The following PIK3C2G variants were observed in gnomAD, a reference collection of about 807,000 sequenced individuals.
The protein encoded by PIK3C2G is phosphatidylinositol-4-phosphate 3-kinase catalytic subunit type 2 gamma.
In PIK3C2G, 168 loss-of-function variants were observed where a neutral mutation model predicts 181.1. The observed-to-expected ratio is 0.93, with a 90% CI of 0.82 to 1.05. PIK3C2G has a LOEUF of 1.05. PIK3C2G is among the 50% of genes least tolerant of loss of function. PIK3C2G has a pLI of 0.00. For missense variants in PIK3C2G, 1,869 were observed against 1,732.8 expected, an observed-to-expected ratio of 1.08 and a Z score of -1.40; for synonymous variants, 573 against 592.2, an observed-to-expected ratio of 0.97 and a Z score of 0.47.
chr12:18,324,928 C>T (rs994044585), intron 7 of PIK3C2G, 107 bp from the exon 8 acceptor site: 22 of 613,474 alleles, frequency 3.6e-5, no homozygotes, highest in Non-Finnish European at 6.1e-5. Context: ...TATACCATGC[C>T]TACGATAGTA....
chr12:18,467,155 T>C (rs1937974555), intron 18 of PIK3C2G, among the ~76,000 whole-genome samples: 1 of 152,046 alleles, frequency 6.6e-6, no homozygotes, highest in Non-Finnish European at 1.5e-5. Flanking sequence ...TTTGATACTG[T>C]TAATGGAACA....
Position 18,562,928 on chromosome 12 carries a change from A to G in PIK3C2G, c.3780+36A>G, listed in dbSNP as rs749029942. The G allele has an allele frequency of 3.6e-6, 5 of 1,396,332 alleles. No homozygotes were observed. The East Asian group carries it at 7.2e-5, about 20-fold the overall frequency. The allele number at this position is 1,396,332 out of a possible 1,614,324, so 86.5% of individuals were successfully genotyped here. On this transcript the variant is annotated intron_variant, in intron 27 of 32. Coordinates refer to ENST00000538779, the MANE Select transcript of PIK3C2G (RefSeq NM_001288772.2). ...AGTCCGTCATCTTGACTTACGTATC[A>G]CTTGACTTTATCTCAGACTTCTCTT... is the stretch of plus-strand genomic sequence containing the variant.
chr12:18,377,085 A>G (rs530528970), intron 13 of PIK3C2G, among the ~76,000 whole-genome samples: 2 of 152,354 alleles, frequency 1.3e-5, no homozygotes, highest in African/African-American at 4.8e-5. Flanking sequence ...TAGACATAAT[A>G]AAGTCAGCAG....
At chr12:18,260,884 T>C (rs1263286383), upstream of PIK3C2G, among the ~76,000 whole-genome samples, 3 of 152,148 alleles carry the variant, frequency 2.0e-5, no homozygotes, top group Admixed American at 6.6e-5. Context: ...AAGAGCAGTA[T>C]ACCAAAACAA....
At chr12:18,313,938 T>A (rs757414384) in intron 5 of PIK3C2G, 24 bp from the exon 6 acceptor site, 2 of 1,131,522 alleles carry the variant, frequency 1.8e-6, no homozygotes, top group Non-Finnish European at 2.6e-6. Flanking sequence ...AGGATATGAT[T>A]GTGTTCATTT....
chr12:18,635,359 C>T (rs617733), intron 31 of PIK3C2G, among the ~76,000 whole-genome samples: 57,070 of 152,088 alleles, frequency 0.38, 12,513 homozygotes, highest in Admixed American at 0.53. Flanking sequence ...AAGGCCAGTT[C>T]AGGCCTGATT....
intron 30 of PIK3C2G, 96 bp from the exon 31 acceptor site, chr12:18,609,439 G>T (rs1230062587): frequency 3.0e-6 from 2 of 673,874 alleles, no homozygotes; most frequent in East Asian, 5.6e-5. Flanking sequence ...TCTTCTACTT[G>T]TTATTTATTG....
At chr12:18,247,770 T>G (rs898582262) in exon 1 of PIK3C2G, 1 of 152,226 alleles carries the variant, frequency 6.6e-6, no homozygotes, top group African/African-American at 2.4e-5. Context: ...TGTCTAGTCC[T>G]TAGTTCCTGC....
Position 18,503,332 on chromosome 12 carries a change from A to G in PIK3C2G, c.3068A>G (p.His1023Arg), listed in dbSNP as rs979866570. The G allele has an allele frequency of 6.2e-7, 1 of 1,612,112 alleles. No individual in the cohort carries two copies. Among genetic ancestry groups the G allele is most frequent in the Non-Finnish European group, 8.5e-7 (1 of 1,178,484 alleles). The change falls in exon 23 of 33, where the codon CAT becomes CGT. Residue 1023 changes from histidine to arginine, a missense_variant. Physicochemically the swap from His to Arg is conservative, Grantham distance 29. Transcript: ENST00000538779. ...DAVTLAKIHR[H>R]SGLIGPLKEN... ...GTGACCCTAGCAAAGATTCATCGCC[A>G]TTCTGGACTGATAGGACCATTGAAA...
At chr12:18,548,105 G>C (rs1251370102) in intron 26 of PIK3C2G, among the ~76,000 whole-genome samples, 1 of 151,930 alleles carries the variant, frequency 6.6e-6, no homozygotes. Flanking sequence ...GTGGGTTTAC[G>C]TGGTAGCAAA....
At chr12:18,409,466 C>T (rs919317496) in intron 16 of PIK3C2G, among the ~76,000 whole-genome samples, 20 of 152,028 alleles carry the variant, frequency 1.3e-4, no homozygotes, top group Non-Finnish European at 1.5e-5. Flanking sequence ...TTGATGGATG[C>T]AGCAAACCAC....
At chr12:18,283,013 G>T (rs1949289497) in intron 2 of PIK3C2G, among the ~76,000 whole-genome samples, 1 of 151,656 alleles carries the variant, frequency 6.6e-6, no homozygotes, top group South Asian at 2.1e-4. Context: ...ATTTTACTTG[G>T]TTTTAGTTAT....
intron 31 of PIK3C2G, among the ~76,000 whole-genome samples, chr12:18,635,165 G>A (rs930318715): frequency 1.3e-5 from 2 of 152,192 alleles, no homozygotes; most frequent in Non-Finnish European, 2.9e-5. Flanking sequence ...GCTGATGCCT[G>A]TATATCATGC....
At chr12:18,496,013 G>A (rs1162929525) in intron 20 of PIK3C2G, 49 bp from the exon 21 acceptor site, 1 of 959,122 alleles carries the variant, frequency 1.0e-6, no homozygotes, top group Non-Finnish European at 1.5e-6. Context: ...TTGGGGATTG[G>A]GGTCTGATTT....
At chr12:18,723,066 C>T in the PIK3C2G span, among the ~76,000 whole-genome samples, 1 of 151,806 alleles carries the variant, frequency 6.6e-6, no homozygotes, top group East Asian at 1.9e-4. Context: ...TTGAGAGATA[C>T]GTGGAAGCAG....
intron 30 of PIK3C2G, among the ~76,000 whole-genome samples, chr12:18,596,181 G>T (rs992288093): frequency 7.2e-5 from 11 of 152,090 alleles, no homozygotes; most frequent in African/African-American, 2.2e-4. Flanking sequence ...TTTGATTTTG[G>T]TTTTTTCTCT....
intron 31 of PIK3C2G, among the ~76,000 whole-genome samples, chr12:18,637,252 T>A (rs1949644361): frequency 6.6e-6 from 1 of 152,138 alleles, no homozygotes; most frequent in African/African-American, 2.4e-5. Flanking sequence ...TTGGATAGTA[T>A]CCAAGAGTCT....
intron 18 of PIK3C2G, among the ~76,000 whole-genome samples, chr12:18,442,503 T>C (rs1160508918): frequency 2.0e-5 from 3 of 152,044 alleles, no homozygotes; most frequent in Non-Finnish European, 4.4e-5. Context: ...TTGGAGGAGA[T>C]TAGTTGAGGT....
chr12:18,586,122 C>T (rs1946763762), intron 29 of PIK3C2G, among the ~76,000 whole-genome samples: 1 of 152,076 alleles, frequency 6.6e-6, no homozygotes, highest in African/African-American at 2.4e-5. Context: ...AACAACCTAA[C>T]ATCACAACTA....
Sources: gnomAD v4.1 joint callset for allele counts (sites outside exome capture counted in the v4.1 genomes callset) on GRCh38, gnomAD v4.1.1 for gene constraint, MANE v1.5 for transcripts, NCBI Gene and HGNC (gene_info 2026-07-23, HGNC 2026-07-21) for gene names.